EIF2AK4: variants seen among roughly 807,000 people sequenced by gnomAD.
EIF2AK4 encodes eukaryotic translation initiation factor 2 alpha kinase 4.
EIF2AK4 carries 139 observed loss-of-function variants against 211.1 expected under a neutral mutation model. The ratio of observed to expected loss-of-function variants is 0.66; its 90% CI spans 0.57 to 0.76. EIF2AK4 has a LOEUF of 0.76. Ranked by LOEUF, EIF2AK4 falls within the 30% of genes least tolerant of loss-of-function variation. The pLI is 0.00. For synonymous variants in EIF2AK4, 710 were observed against 751.3 expected (o/e 0.94, Z 0.90); for missense variants, 1,664 against 2,043.8 (o/e 0.81, Z 3.58).
intron 21 of EIF2AK4, among the ~76,000 whole-genome samples, chr15:40,002,077 G>C (rs2035100831): frequency 6.6e-6 from 1 of 152,162 alleles, no homozygotes; most frequent in Non-Finnish European, 1.5e-5. Context: ...AGATAGAGTA[G>C]TGGAGGAAGT....
At chr15:39,937,527 A>T (rs548727761) in intron 1 of EIF2AK4, among the ~76,000 whole-genome samples, 58 of 152,042 alleles carry the variant, frequency 3.8e-4, no homozygotes, top group African/African-American at 1.4e-3. Flanking sequence ...AATTATATGC[A>T]TTTATTTACG....
Position 39,965,798 on chromosome 15 carries a change from C to T in EIF2AK4, c.972C>T (p.Phe324=). The T allele has an allele frequency of 6.2e-7, 1 of 1,614,042 alleles. No individual in the cohort carries two copies. The highest frequency in any genetic ancestry group is 8.5e-7 in the Non-Finnish European group (1 of 1,179,948). The change falls in exon 8 of 39, where the codon TTC becomes TTT. Residue 324 remains phenylalanine (F), a synonymous_variant. Transcript: ENST00000263791. The part of the protein sequence containing the change: ...VLQWQKKMGP[F]LTSQEKEKID... ...AGTGGCAGAAAAAAATGGGTCCATT[C>T]CTTACCAGTCAAGAAAAAGAGAAGA...
chr15:40,002,774 T>C lies in EIF2AK4; in HGVS notation c.3221T>C (p.Ile1074Thr). 6.2e-7 allele frequency: 1 copy of C among 1,614,214 alleles called. No individual in the cohort carries two copies. The highest frequency in any genetic ancestry group is 1.1e-5 in the South Asian group (1 of 91,082). ...CATGTGTGTGAAACCATCATCCGCA[T>C]CTTTAAAAGACATGGTATGTACGCC... Reference protein sequence around the residue: ...QQHVCETIIRIFKRHGAVQLC... With the variant: ...QQHVCETIIRTFKRHGAVQLC... The change falls in exon 22 of 39, where the codon ATC becomes ACC. Residue 1074 changes from isoleucine (I) to threonine (T), a missense_variant. Ile to Thr is a moderately conservative substitution (Grantham distance 89). Around this residue, in one of 7 missense-constraint regions of EIF2AK4, gnomAD observed 622 missense variants for 796.8 expected, o/e 0.78. Transcript: ENST00000263791.
intron 14 of EIF2AK4, among the ~76,000 whole-genome samples, chr15:39,986,682 C>T (rs1399848165): frequency 2.0e-5 from 3 of 152,170 alleles, no homozygotes; most frequent in East Asian, 1.9e-4. Flanking sequence ...AGTGAAACCC[C>T]GTTACTACTA....
intron 27 of EIF2AK4, among the ~76,000 whole-genome samples, 184 bp downstream of exon 27, chr15:40,011,530 T>TG (rs2035235313): frequency 6.6e-6 from 1 of 152,236 alleles, no homozygotes; most frequent in South Asian, 2.1e-4. Context: ...GAGAAACTAA[T>TG]GCTGTGATCA....
At chr15:39,958,953 C>G (rs1178041591) in intron 6 of EIF2AK4, among the ~76,000 whole-genome samples, 1 of 151,972 alleles carries the variant, frequency 6.6e-6, no homozygotes, top group Non-Finnish European at 1.5e-5. Context: ...TATCAAGCTC[C>G]TAGCTGCCTA....
chr15:39,987,525 A>G (rs1214419466), intron 14 of EIF2AK4, among the ~76,000 whole-genome samples: 1 of 152,232 alleles, frequency 6.6e-6, no homozygotes, highest in African/African-American at 2.4e-5. Flanking sequence ...CACTGTCCCA[A>G]GAAGACTTGA....
At chr15:39,974,086 T>A (rs974325699) in intron 11 of EIF2AK4, 2 of 166,940 alleles carry the variant, frequency 1.2e-5, no homozygotes, top group Non-Finnish European at 2.6e-5. Flanking sequence ...TTTTTTCTCC[T>A]GTTTGCTGTT....
intron 6 of EIF2AK4, among the ~76,000 whole-genome samples, chr15:39,959,052 TC>T (rs1409938465): frequency 6.6e-6 from 1 of 152,220 alleles, no homozygotes; most frequent in Non-Finnish European, 1.5e-5. Context: ...GAAACACCCT[TC>T]ATATAGGTTG....
Position 40,019,313 on chromosome 15 carries a change from T to C in EIF2AK4, c.4173+113T>C, listed in dbSNP as rs545864957. ...GCTTCTGATGTGAAAGCTATAGACG[T>C]AGGGTTTTGAAACTTACCTTTAATA... is the stretch of plus-strand genomic sequence containing the variant. On this transcript the variant is annotated intron_variant, in intron 30 of 38. Coordinates refer to ENST00000263791, the MANE Select transcript of EIF2AK4 (RefSeq NM_001013703.4). 3.4e-5 allele frequency: 26 copies of C among 775,778 alleles called. No homozygotes were observed. The South Asian group carries it at 4.4e-4, about 13-fold the overall frequency. 48.1% of individuals were successfully genotyped at this position (775,778 alleles called of 1,614,324 possible).
At chr15:39,987,815 A>AT (rs2034886769) in intron 14 of EIF2AK4, among the ~76,000 whole-genome samples, 168 bp from the exon 15 acceptor site, 1 of 152,216 alleles carries the variant, frequency 6.6e-6, no homozygotes, top group African/African-American at 2.4e-5. Flanking sequence ...CCCCCAAGGT[A>AT]TTTTTTAATA....
chr15:39,976,746 C>A lies in EIF2AK4; in HGVS notation c.2151C>A (p.Arg717=). The part of the protein sequence containing the change: ...SSVEWSTSGE[R]SASARFPATG... ...TGGAGTGGAGCACTTCGGGCGAGCG[C>A]TCGGCCAGTGCCCGTTTCCCCGCCA... The change falls in exon 12 of 39, where the codon CGC becomes CGA. Residue 717 remains arginine, a synonymous_variant. Coordinates refer to ENST00000263791, the MANE Select transcript of EIF2AK4 (RefSeq NM_001013703.4). 1 of 1,600,116 alleles carries A rather than the reference C, an allele frequency of 6.2e-7. No individual in the cohort carries two copies. The highest frequency in any genetic ancestry group is 1.4e-5 in the African/African-American group (1 of 73,736).
intron 27 of EIF2AK4, among the ~76,000 whole-genome samples, chr15:40,013,713 C>A (rs1042470245): frequency 6.6e-6 from 1 of 152,192 alleles, no homozygotes; most frequent in Non-Finnish European, 1.5e-5. Context: ...TGGGTCCCTC[C>A]CATGACACAG....
chr15:40,026,547 A>G (rs564669050), intron 33 of EIF2AK4, among the ~76,000 whole-genome samples: 1 of 152,370 alleles, frequency 6.6e-6, no homozygotes, highest in South Asian at 2.1e-4. Flanking sequence ...TTGCTTCTGA[A>G]TAACTCAATC....
intron 6 of EIF2AK4, among the ~76,000 whole-genome samples, chr15:39,956,675 G>A (rs540166665): frequency 6.6e-6 from 1 of 152,200 alleles, no homozygotes; most frequent in South Asian, 2.1e-4. Flanking sequence ...GTGGCCCCCT[G>A]TACACCAGAA....
At position 39,934,316 on chromosome 15, in the gene EIF2AK4, C is replaced by A; in HGVS notation, c.121C>A (p.Leu41Met). 2 of 1,611,156 alleles carry A rather than the reference C, an allele frequency of 1.2e-6. No individual in the cohort carries two copies. The highest frequency in any genetic ancestry group is 1.7e-6 in the Non-Finnish European group (2 of 1,178,830). The change falls in exon 1 of 39, where the codon CTG (leucine) becomes ATG (methionine). Residue 41 changes from leucine (L) to methionine (M), a missense_variant. By Grantham distance (15) the Leu-to-Met change is conservative (BLOSUM62 2). Coordinates refer to ENST00000263791, the MANE Select transcript of EIF2AK4 (RefSeq NM_001013703.4). The part of the protein sequence containing the change: ...EAIYGADFQD[L>M]RPDACGPVKE... ...CATTTACGGCGCGGACTTCCAAGAC[C>A]TGCGGCCGGACGCTTGCGGACCGGT...
chr15:39,970,807 T>C (rs2034613527), intron 9 of EIF2AK4, among the ~76,000 whole-genome samples: 1 of 152,104 alleles, frequency 6.6e-6, no homozygotes, highest in East Asian at 1.9e-4. Context: ...AAGGTATATA[T>C]GTTTTAATGA....
chr15:39,990,263 C>A lies in EIF2AK4; in HGVS notation c.2527-10C>A. 6.2e-7 allele frequency: 1 copy of A among 1,613,100 alleles called. No homozygotes were observed. On this transcript the variant is annotated splice_polypyrimidine_tract_variant and intron_variant, in intron 15 of 38. Coordinates refer to ENST00000263791, the MANE Select transcript of EIF2AK4 (RefSeq NM_001013703.4). ...AAACCATTGTTTGTTTCTTCACTCT[C>A]TTTCAACAGGGAATGATTCACCGGG...
chr15:39,952,217 T>G (rs192340710), intron 4 of EIF2AK4, among the ~76,000 whole-genome samples: 157 of 152,354 alleles, frequency 1.0e-3, no homozygotes, highest in Non-Finnish European at 1.4e-3. Flanking sequence ...TCACAGTATT[T>G]AGACTTCCCA....
Sources: allele counts gnomAD v4.1 joint callset (sites outside exome capture counted in the v4.1 genomes callset), GRCh38; gene constraint gnomAD v4.1.1; regional missense constraint gnomAD v4.1.1; transcripts MANE v1.5; gene names NCBI Gene and HGNC (gene_info 2026-07-23, HGNC 2026-07-21).